KLHL2: variants seen among roughly 807,000 people sequenced by gnomAD.
The protein encoded by KLHL2 is kelch-like protein 2.
KLHL2 carries 15 observed loss-of-function variants against 75.8 expected under a neutral mutation model. That is an observed-to-expected ratio of 0.20 (90% CI 0.13 to 0.30). The LOEUF is 0.30. KLHL2 is among the 10% of genes least tolerant of loss of function. The pLI is 1.00. For synonymous variants in KLHL2, 214 were observed against 251.9 expected (o/e 0.85, Z 1.42); for missense variants, 381 against 741.0 (o/e 0.51, Z 5.64).
rs1198851588 is a variant in KLHL2 at position 165,207,644 on chromosome 4, C to G, written c.-233C>G. 1 of 152,388 alleles carries G rather than the reference C, an allele frequency of 6.6e-6. No individual in the cohort carries two copies. The highest frequency in any genetic ancestry group is 1.4e-5 in the Non-Finnish European group (1 of 69,704). The allele number at this position is 152,388 out of a possible 1,614,324, so 9.4% of individuals were successfully genotyped here. On this transcript the variant is annotated 5_prime_UTR_variant, in exon 1 of 15. Coordinates refer to ENST00000226725, the MANE Select transcript of KLHL2 (RefSeq NM_007246.4). This position sits in a 1 kb window ranked among gnomAD's most constrained non-coding sequence, Gnocchi z 4.2. ...CGCCCGCCGGTCCCGTCGCCGCCGC[C>G]CCGCACTCGGGCGAGCGCGGGAGCC...
intron 2 of KLHL2, among the ~76,000 whole-genome samples, chr4:165,226,477 C>T (rs1198676910): frequency 6.6e-6 from 1 of 152,158 alleles, no homozygotes; most frequent in Non-Finnish European, 1.5e-5. Flanking sequence ...AATGCAGCCC[C>T]CCACCCCAGC....
chr4:165,289,108 G>T (rs1744311219), intron 5 of KLHL2, among the ~76,000 whole-genome samples: 1 of 152,106 alleles, frequency 6.6e-6, no homozygotes, highest in African/African-American at 2.4e-5. Context: ...TGTGTAAAGT[G>T]TTGGGTCCTT....
chr4:165,311,624 TC>T, intron 11 of KLHL2, 59 bp downstream of exon 11: 2 of 1,193,130 alleles, frequency 1.7e-6, no homozygotes, highest in Non-Finnish European at 2.5e-6. Context: ...GAGTGGTTCT[TC>T]CAGTAATCTC....
At chr4:165,301,651 A>G (rs1246613977) in intron 8 of KLHL2, among the ~76,000 whole-genome samples, 1 of 152,194 alleles carries the variant, frequency 6.6e-6, no homozygotes, top group Non-Finnish European at 1.5e-5. Flanking sequence ...CATTTATAAA[A>G]ATTGTTCAGT....
chr4:165,236,008 A>G (rs1169884834), intron 3 of KLHL2, among the ~76,000 whole-genome samples: 1 of 151,890 alleles, frequency 6.6e-6, no homozygotes, highest in African/African-American at 2.4e-5. Context: ...TCCGTGCCCA[A>G]ATTTGTGGAG....
In KLHL2 at chr4:165,314,150, G is replaced by C; in HGVS notation, c.1593G>C (p.Met531Ile). The C allele has an allele frequency of 6.2e-7, 1 of 1,612,092 alleles. No homozygotes were observed. Among genetic ancestry groups the C allele is most frequent in the Non-Finnish European group, 8.5e-7 (1 of 1,179,314 alleles). Residue 531 changes from methionine to isoleucine, a missense_variant, in exon 13 of 15, where the codon ATG becomes ATC. Met to Ile is a conservative substitution (Grantham distance 10). Coordinates refer to ENST00000226725, the MANE Select transcript of KLHL2 (RefSeq NM_007246.4). ...GGAGACAGGTTGCAGATATGAACAT[G>C]TGCAGAAGAAATGCAGGTATCTGTC... ...NAWRQVADMN[M>I]CRRNAGVCAV...
chr4:165,240,509 A>C (rs1739728452), intron 4 of KLHL2: 1 of 151,940 alleles, frequency 6.6e-6, no homozygotes, highest in Non-Finnish European at 1.5e-5. Context: ...GTTGTTTCTA[A>C]ATGTATGCAT....
chr4:165,212,443 T>C (rs1373853386), intron 1 of KLHL2, among the ~76,000 whole-genome samples: 1 of 152,148 alleles, frequency 6.6e-6, no homozygotes, highest in Non-Finnish European at 1.5e-5. Context: ...AGTGAGTGGG[T>C]CCGTAACTTT....
At chr4:165,238,682 C>T in intron 3 of KLHL2, 96 bp from the exon 4 acceptor site, 1 of 1,581,686 alleles carries the variant, frequency 6.3e-7, no homozygotes, top group Non-Finnish European at 8.6e-7. Flanking sequence ...CTGTTGAATA[C>T]AGTGAGTGGC....
At chr4:165,241,177 GCTTT>G (rs977523147) in intron 4 of KLHL2, among the ~76,000 whole-genome samples, 4 of 152,136 alleles carry the variant, frequency 2.6e-5, no homozygotes, top group African/African-American at 7.2e-5. Context: ...GATTTGTAAA[GCTTT>G]CTTTTATTTT....
chr4:165,279,369 G>A, intron 5 of KLHL2: 1 of 1,581,902 alleles, frequency 6.3e-7, no homozygotes, highest in Non-Finnish European at 8.7e-7. Flanking sequence ...GTTTCCCTCT[G>A]GTTGCTGACA....
rs1018809656 is a variant in KLHL2, at chr4:165,207,963, C to T, written c.26+61C>T. 109 of 1,239,758 alleles carry T rather than the reference C, an allele frequency of 8.8e-5. No homozygotes were observed. Among genetic ancestry groups the T allele is most frequent in the Middle Eastern group, 3.2e-4 (1 of 3,110 alleles). 76.8% of individuals were successfully genotyped at this position (1,239,758 alleles called of 1,614,324 possible). A position where few individuals can be genotyped will look rare whatever the true frequency, so the allele number is the denominator to read the frequency against. ...ATAAGCGCGCCGCTGCGGCGCGTGT[C>T]GCCGGCCGCGGGCGCAGCTCTGGGG... On this transcript the variant is annotated intron_variant, in intron 1 of 14. Coordinates refer to ENST00000226725, the MANE Select transcript of KLHL2 (RefSeq NM_007246.4). This position sits in a 1 kb window ranked among gnomAD's most constrained non-coding sequence, Gnocchi z 4.2.
intron 6 of KLHL2, among the ~76,000 whole-genome samples, chr4:165,295,980 G>C (rs1024797580): frequency 6.6e-6 from 1 of 152,136 alleles, no homozygotes; most frequent in African/African-American, 2.4e-5. Flanking sequence ...GGGCTGTTCT[G>C]GTTTTCTGCT....
At chr4:165,218,297 T>G (rs1737695914) in intron 1 of KLHL2, among the ~76,000 whole-genome samples, 1 of 152,160 alleles carries the variant, frequency 6.6e-6, no homozygotes, top group Non-Finnish European at 1.5e-5. Flanking sequence ...TAAAAGGCCC[T>G]TTGTGATCTG....
intron 4 of KLHL2, among the ~76,000 whole-genome samples, chr4:165,251,758 C>G (rs1038466198): frequency 6.6e-6 from 1 of 151,184 alleles, no homozygotes; most frequent in African/African-American, 2.4e-5. Context: ...TACAGGCGCC[C>G]GCCACTACGC....
intron 2 of KLHL2, among the ~76,000 whole-genome samples, chr4:165,221,264 T>G (rs1737967645): frequency 6.6e-6 from 1 of 152,194 alleles, no homozygotes; most frequent in East Asian, 1.9e-4. Flanking sequence ...GTAATGATAG[T>G]AAGTGTTGCA....
intron 5 of KLHL2, among the ~76,000 whole-genome samples, chr4:165,280,797 A>G (rs1468135598): frequency 6.6e-6 from 1 of 152,218 alleles, no homozygotes; most frequent in African/African-American, 2.4e-5. Flanking sequence ...TCTAGCTTAC[A>G]TGAGTTAACT....
Position 165,279,432 on chromosome 4 carries a change from A to G in KLHL2, c.545-14927A>G, listed in dbSNP as rs564314994. 3.9e-5 allele frequency: 63 copies of G among 1,601,942 alleles called. No individual in the cohort carries two copies. In the South Asian group the frequency reaches 6.4e-4, roughly 16 times the overall value. The stretch of plus-strand genomic sequence containing the variant: ...ATATTGAGCTGTCCAAGTTTCTCAC[A>G]TGTTTTCTCTATACACTCATAGACA... On this transcript the variant is annotated intron_variant, in intron 5 of 14. Coordinates refer to ENST00000226725, the MANE Select transcript of KLHL2 (RefSeq NM_007246.4).
chr4:165,241,798 A>C (rs1273362080), intron 4 of KLHL2, among the ~76,000 whole-genome samples: 1 of 152,118 alleles, frequency 6.6e-6, no homozygotes. Context: ...TGGTCTCCTT[A>C]TTACACTAAT....
Sources: allele counts gnomAD v4.1 joint callset (sites outside exome capture counted in the v4.1 genomes callset), GRCh38; gene constraint gnomAD v4.1.1; non-coding constraint Gnocchi (gnomAD v3.1); transcripts MANE v1.5; gene names NCBI Gene and HGNC (gene_info 2026-07-23, HGNC 2026-07-21).